SIL1: variants seen among roughly 807,000 people sequenced by gnomAD.
The protein encoded by SIL1 is nucleotide exchange factor SIL1.
Under a neutral mutation model 49.1 loss-of-function variants are expected in SIL1, and 40 were observed. The ratio of observed to expected loss-of-function variants is 0.81; its 90% confidence interval spans 0.63 to 1.06. SIL1 has a LOEUF of 1.06. Among genes scored for constraint, SIL1 ranks in the 50% least tolerant of loss-of-function variants. The pLI, the probability that SIL1 is intolerant of heterozygous loss-of-function variation, is 0.00. For synonymous variants in SIL1, 253 were observed against 250.8 expected, an observed-to-expected ratio of 1.01 and a Z score of -0.08; for missense variants, 500 against 572.6, an observed-to-expected ratio of 0.87 and a Z score of 1.29.
intron 3 of SIL1, among the ~76,000 whole-genome samples, chr5:139,087,726 C>T (rs921952533): frequency 1.3e-5 from 2 of 152,004 alleles, no homozygotes; most frequent in African/African-American, 2.4e-5. Flanking sequence ...AGGAAAATGT[C>T]AAAAGTAGGG....
chr5:139,115,182 G>T (rs910798130), intron 3 of SIL1, among the ~76,000 whole-genome samples: 9 of 152,218 alleles, frequency 5.9e-5, no homozygotes, highest in African/African-American at 2.2e-4. Flanking sequence ...GACCTGGGGA[G>T]GGGGCAGAAC....
intron 3 of SIL1, among the ~76,000 whole-genome samples, chr5:139,078,857 A>G (rs907388030): frequency 6.6e-6 from 1 of 152,222 alleles, no homozygotes; most frequent in Non-Finnish European, 1.5e-5. Context: ...TCAGCAGTCA[A>G]TGAAGCTAGA....
intron 3 of SIL1, among the ~76,000 whole-genome samples, chr5:139,071,816 A>G (rs1769841385): frequency 6.6e-6 from 1 of 151,804 alleles, no homozygotes. Context: ...GCAGGCACCC[A>G]CCATCAAATC....
At chr5:139,124,853 T>C (rs59406613) in intron 2 of SIL1, among the ~76,000 whole-genome samples, 450 of 152,322 alleles carry the variant, frequency 3.0e-3, no homozygotes, top group African/African-American at 0.01. Context: ...AGGACAGATA[T>C]GGGGCTTTTC....
chr5:138,997,658 A>G (rs1767900102), intron 7 of SIL1, among the ~76,000 whole-genome samples: 1 of 152,202 alleles, frequency 6.6e-6, no homozygotes, highest in African/African-American at 2.4e-5. Flanking sequence ...CTCCAGGTTC[A>G]AGCAATTCTT....
Position 139,001,448 on chromosome 5 carries a change from T to C in SIL1, c.767+19723A>G, listed in dbSNP as rs1581019342. Among the ~76,000 whole-genome samples the C allele has an allele frequency of 2.0e-5, 3 of 152,316 alleles. No individual in the cohort carries two copies. In the South Asian group the frequency reaches 6.2e-4, roughly 32 times the overall value. ...GTGTATAACAGCAAAATAACTGGCA[T>C]CAATCTAAATGTTCCTTAACAAAGG... is the stretch of plus-strand genomic sequence containing the variant. On this transcript the variant is annotated intron_variant, in intron 7 of 9. Coordinates refer to ENST00000394817, the MANE Select transcript of SIL1 (RefSeq NM_022464.5).
intron 7 of SIL1, among the ~76,000 whole-genome samples, chr5:138,993,855 C>G (rs1173426167): frequency 6.6e-6 from 1 of 152,166 alleles, no homozygotes; most frequent in African/African-American, 2.4e-5. Flanking sequence ...ATGCAGAGGA[C>G]CCGACAAAGT....
At chr5:138,988,463 A>C (rs974604598) in intron 7 of SIL1, among the ~76,000 whole-genome samples, 2 of 152,240 alleles carry the variant, frequency 1.3e-5, no homozygotes, top group African/African-American at 4.8e-5. Flanking sequence ...TCTTAGACAC[A>C]ACAATCAAAT....
intron 1 of SIL1, among the ~76,000 whole-genome samples, chr5:139,142,184 G>A (rs1391999227): frequency 1.3e-5 from 2 of 152,182 alleles, no homozygotes; most frequent in African/African-American, 4.8e-5. Flanking sequence ...AGTTTAACAG[G>A]CACTTACTGG....
intron 7 of SIL1, among the ~76,000 whole-genome samples, chr5:138,993,553 C>T (rs950742918): frequency 5.3e-5 from 8 of 152,114 alleles, no homozygotes; most frequent in South Asian, 2.1e-4. Context: ...AAGATATATA[C>T]GACTATGTGT....
intron 7 of SIL1, among the ~76,000 whole-genome samples, chr5:139,020,564 T>C (rs996438209): frequency 6.6e-6 from 1 of 152,228 alleles, no homozygotes; most frequent in African/African-American, 2.4e-5. Context: ...AGCATGCAGA[T>C]ATCTTGACCT....
At chr5:139,084,202 C>T (rs1770157921) in intron 3 of SIL1, among the ~76,000 whole-genome samples, 1 of 151,668 alleles carries the variant, frequency 6.6e-6, no homozygotes, top group South Asian at 2.1e-4. Context: ...TAAACTAGTT[C>T]AACCATTGTG....
intron 1 of SIL1, among the ~76,000 whole-genome samples, chr5:139,170,970 C>G: frequency 6.7e-6 from 1 of 148,410 alleles, no homozygotes; most frequent in South Asian, 2.1e-4. Context: ...GTCCCCCGCC[C>G]GGCCAGCCGC....
intron 1 of SIL1, among the ~76,000 whole-genome samples, chr5:139,168,309 T>C (rs1170671015): frequency 6.6e-6 from 1 of 152,236 alleles, no homozygotes; most frequent in Non-Finnish European, 1.5e-5. Flanking sequence ...CCTTGCAACT[T>C]CCAGGGAAAG....
chr5:138,986,574 A>C (rs554351853), intron 7 of SIL1, among the ~76,000 whole-genome samples: 1 of 152,270 alleles, frequency 6.6e-6, no homozygotes, highest in South Asian at 2.1e-4. Flanking sequence ...GCGCAGGACA[A>C]CACCAGCCCT....
chr5:139,169,867 T>TTCCACGGTCTCCCTCTCCCTCTC (rs1751705061), intron 1 of SIL1, among the ~76,000 whole-genome samples: 10 of 150,844 alleles, frequency 6.6e-5, no homozygotes, highest in African/African-American at 7.3e-5. Context: ...CTCTCCCTCT[T>TTCCACGGTCTCCCTCTCCCTCTC]TCCACGGTCT....
intron 7 of SIL1, among the ~76,000 whole-genome samples, chr5:138,962,123 TAGA>T (rs992032469): frequency 6.6e-6 from 1 of 151,884 alleles, no homozygotes; most frequent in East Asian, 1.9e-4. Context: ...TTTTTTTTTC[TAGA>T]AGATTTCCAA....
chr5:139,118,625 C>T (rs1462779709), intron 3 of SIL1, among the ~76,000 whole-genome samples: 1 of 152,162 alleles, frequency 6.6e-6, no homozygotes, highest in Non-Finnish European at 1.5e-5. Context: ...TCCCCATTTA[C>T]CTACCCATCC....
intron 7 of SIL1, among the ~76,000 whole-genome samples, chr5:138,962,292 T>G (rs1280223845): frequency 6.6e-6 from 1 of 151,964 alleles, no homozygotes; most frequent in Non-Finnish European, 1.5e-5. Flanking sequence ...GCCAATGACC[T>G]GGACTTTTTC....
Sources: gnomAD v4.1 joint callset for allele counts (sites outside exome capture counted in the v4.1 genomes callset) on GRCh38, gnomAD v4.1.1 for gene constraint, MANE v1.5 for transcripts, NCBI Gene and HGNC (gene_info 2026-07-23, HGNC 2026-07-21) for gene names.